Variants in PPP2R3A observed in about 807,000 individuals in gnomAD.
PPP2R3A encodes the protein serine/threonine-protein phosphatase 2A regulatory subunit B'' subunit alpha.
A neutral mutation model predicts 106.9 loss-of-function variants in PPP2R3A; 80 were observed. The ratio of observed to expected loss-of-function variants is 0.75; its 90% CI spans 0.62 to 0.90. The LOEUF (loss-of-function observed/expected upper bound fraction) is 0.90, where lower values mean the gene tolerates loss of function less well. Ranked by LOEUF, PPP2R3A falls within the 40% of genes least tolerant of loss-of-function variation. PPP2R3A has a pLI of 0.00. For synonymous variants in PPP2R3A, 483 were observed against 468.3 expected (o/e 1.03, Z -0.41); for missense variants, 1,386 against 1,350.4 (o/e 1.03, Z -0.41).
chr3:136,009,314 GC>G (rs1933962737), intron 2 of PPP2R3A, among the ~76,000 whole-genome samples: 1 of 151,924 alleles, frequency 6.6e-6, no homozygotes, highest in South Asian at 2.1e-4. Flanking sequence ...AACCAGCCCC[GC>G]CCCAACTTTG....
chr3:136,033,480 T>A (rs142903086), intron 3 of PPP2R3A, among the ~76,000 whole-genome samples: 2 of 152,342 alleles, frequency 1.3e-5, no homozygotes, highest in African/African-American at 4.8e-5. Flanking sequence ...CTTCTTTGAA[T>A]GTCTGGTAGA....
In PPP2R3A at chr3:136,003,219, G is replaced by T. The variant is rs764402983; in HGVS notation, c.1721G>T (p.Arg574Met). The change falls in exon 2 of 14, where the codon AGG (arginine) becomes ATG (methionine). Residue 574 changes from arginine (R) to methionine (M), a missense_variant. By Grantham distance (91) the Arg-to-Met change is moderately conservative. Coordinates refer to ENST00000264977, the MANE Select transcript of PPP2R3A (RefSeq NM_002718.5). ...AAAGTCTCACCTTCCTGTCTAACAA[G>T]GATTATTGAAACCAATGGACACAAA... ...IEKVSPSCLT[R>M]IIETNGHKIE... 6.2e-7 allele frequency: 1 copy of T among 1,613,898 alleles called. No homozygotes were observed. The highest frequency in any genetic ancestry group is 8.5e-7 in the Non-Finnish European group (1 of 1,179,898).
At chr3:135,978,498 A>G (rs1389880264) in intron 1 of PPP2R3A, among the ~76,000 whole-genome samples, 1 of 150,788 alleles carries the variant, frequency 6.6e-6, no homozygotes, top group Admixed American at 6.6e-5. Context: ...TTTTTTTGTA[A>G]TTGTACCCTT....
At chr3:136,093,380 A>T (rs555658358) in intron 10 of PPP2R3A, among the ~76,000 whole-genome samples, 1 of 152,170 alleles carries the variant, frequency 6.6e-6, no homozygotes, top group African/African-American at 2.4e-5. Flanking sequence ...CTGTACTCCA[A>T]CCTGGGTGAC....
At chr3:136,063,860 G>A (rs1461524919) in intron 5 of PPP2R3A, among the ~76,000 whole-genome samples, 13 of 149,968 alleles carry the variant, frequency 8.7e-5, no homozygotes, top group East Asian at 1.9e-4. Flanking sequence ...TCAGTGTGGC[G>A]ATTCCTCAGG....
At chr3:136,110,979 A>C (rs1937583126) in intron 13 of PPP2R3A, among the ~76,000 whole-genome samples, 1 of 152,226 alleles carries the variant, frequency 6.6e-6, no homozygotes, top group Non-Finnish European at 1.5e-5. Flanking sequence ...AAAAATAACT[A>C]CAAACCTAAA....
chr3:136,116,645 A>G (rs994450348), intron 13 of PPP2R3A, among the ~76,000 whole-genome samples: 7 of 152,242 alleles, frequency 4.6e-5, no homozygotes, highest in Non-Finnish European at 8.8e-5. Context: ...GAGACAAAGA[A>G]GGTCATTACA....
chr3:136,122,746 T>G (rs575259259), intron 13 of PPP2R3A, among the ~76,000 whole-genome samples: 1 of 151,210 alleles, frequency 6.6e-6, no homozygotes, highest in South Asian at 2.1e-4. Flanking sequence ...GATACTGTTA[T>G]GTTACAGTTA....
At chr3:136,128,158 T>C (rs993772177) in intron 13 of PPP2R3A, among the ~76,000 whole-genome samples, 6 of 152,076 alleles carry the variant, frequency 3.9e-5, no homozygotes, top group African/African-American at 1.2e-4. Context: ...AATTCACACA[T>C]AACAGTATTA....
At chr3:136,009,729 T>G (rs568280045) in intron 2 of PPP2R3A, among the ~76,000 whole-genome samples, 1 of 152,284 alleles carries the variant, frequency 6.6e-6, no homozygotes, top group South Asian at 2.1e-4. Flanking sequence ...CTCCGGGTGA[T>G]TCTGATGCAT....
At chr3:136,045,401 G>T (rs1029275041) in intron 4 of PPP2R3A, among the ~76,000 whole-genome samples, 2 of 152,184 alleles carry the variant, frequency 1.3e-5, no homozygotes, top group African/African-American at 4.8e-5. Context: ...GAACTCAAGT[G>T]GCGGAAGAGC....
chr3:136,035,816 T>C (rs1317872725), intron 3 of PPP2R3A, among the ~76,000 whole-genome samples: 1 of 152,218 alleles, frequency 6.6e-6, no homozygotes, highest in East Asian at 1.9e-4. Flanking sequence ...CTCCCAAGTA[T>C]GTTTTCCAAA....
In PPP2R3A at chr3:135,982,727, C is replaced by G. The variant is rs867534110; in HGVS notation, c.-441+16878C>G. Among the ~76,000 whole-genome samples the G allele has an allele frequency of 3.3e-5, 5 of 152,142 alleles. No individual in the cohort carries two copies. The South Asian group carries it at 6.2e-4, about 19-fold the overall frequency. On this transcript the variant is annotated intron_variant, in intron 1 of 13. Coordinates refer to ENST00000264977, the MANE Select transcript of PPP2R3A (RefSeq NM_002718.5). ...TTGAAGTTGAACCTTGCTCTCAGTTCTGCTTTCCCATCTGATCTCAGTATC... is the reference window on the plus strand; with the variant it reads ...TTGAAGTTGAACCTTGCTCTCAGTTGTGCTTTCCCATCTGATCTCAGTATC...
At chr3:136,014,197 A>G (rs912535307) in intron 2 of PPP2R3A, among the ~76,000 whole-genome samples, 2 of 152,080 alleles carry the variant, frequency 1.3e-5, no homozygotes, top group Middle Eastern at 3.2e-3. Flanking sequence ...CCATTGGTCT[A>G]TGTGCCTATT....
rs184174458 is a variant in PPP2R3A at position 136,128,323 on chromosome 3, A to G, written c.3330-16720A>G. 1.7e-3 allele frequency among the ~76,000 whole-genome samples: 255 copies of G among 151,606 alleles called. 1 individual carries two copies. In the Middle Eastern group the frequency reaches 0.027, roughly 16 times the overall value. ...AAAATAAAGGGATGAAGGAAGATCT[A>G]CCAAGCAAATGGAAAGCAAAAAAAA... On this transcript the variant is annotated intron_variant, in intron 13 of 13. Transcript: ENST00000264977.
intron 13 of PPP2R3A, among the ~76,000 whole-genome samples, chr3:136,115,733 A>T (rs1937724787): frequency 6.6e-6 from 1 of 152,086 alleles, no homozygotes; most frequent in East Asian, 1.9e-4. Flanking sequence ...TCTCCAAGAA[A>T]TATGGGACTA....
rs1208055561 is a variant in PPP2R3A, at chr3:136,147,764, G to GTGT, written c.*2600_*2602dup. On this transcript the variant is annotated 3_prime_UTR_variant, in exon 14 of 14. Transcript: ENST00000264977. ...ATCTTGTCACTGTGTACCATTCAAAGTGTTTATAAAACTCTAGATTCATCA... is the reference window on the plus strand; with the variant it reads ...ATCTTGTCACTGTGTACCATTCAAAGTGTTGTTTATAAAACTCTAGATTCATCA... 6.6e-6 allele frequency: 1 copy of GTGT among 152,162 alleles called. No individual in the cohort carries two copies. Among genetic ancestry groups the GTGT allele is most frequent in the African/African-American group, 2.4e-5 (1 of 41,424 alleles). The allele number at this position is 152,162 out of a possible 1,614,324, so 9.4% of individuals were successfully genotyped here.
Position 136,014,279 on chromosome 3 carries a change from A to C in PPP2R3A, c.1995+10786A>C, listed in dbSNP as rs188680983. Among the ~76,000 whole-genome samples the C allele has an allele frequency of 1.3e-3, 197 of 152,232 alleles. No individual in the cohort carries two copies. In the Middle Eastern group the frequency reaches 0.014, roughly 11 times the overall value. On this transcript the variant is annotated intron_variant, in intron 2 of 13. Coordinates refer to ENST00000264977, the MANE Select transcript of PPP2R3A (RefSeq NM_002718.5). The stretch of plus-strand genomic sequence containing the variant: ...TGCCTCCAGATTTGTTCTTTTGCTT[A>C]GTCTTGCTTTGGCTATGTGGGCTCT...
chr3:136,063,338 A>T (rs1200027309), intron 5 of PPP2R3A, among the ~76,000 whole-genome samples: 4 of 152,206 alleles, frequency 2.6e-5, no homozygotes, highest in East Asian at 3.9e-4. Flanking sequence ...AACCTAGGCA[A>T]TACCATTCAG....
Sources: gnomAD v4.1 joint callset for allele counts (sites outside exome capture counted in the v4.1 genomes callset) on GRCh38, gnomAD v4.1.1 for gene constraint, MANE v1.5 for transcripts, NCBI Gene and HGNC (gene_info 2026-07-23, HGNC 2026-07-21) for gene names.